Variants in PMS1 observed in about 807,000 individuals in gnomAD.
The protein encoded by PMS1 is PMS1 protein homolog 1.
PMS1 carries 79 observed loss-of-function variants against 93.1 expected under a neutral mutation model. The observed-to-expected ratio is 0.85, with a 90% CI of 0.71 to 1.02. PMS1 has a LOEUF of 1.02. PMS1 is among the 50% of genes least tolerant of loss of function. PMS1 has a pLI of 0.00. For synonymous variants in PMS1, 335 were observed against 363.4 expected, an observed-to-expected ratio of 0.92 and a Z score of 0.89; for missense variants, 1,064 against 1,085.3, an observed-to-expected ratio of 0.98 and a Z score of 0.28.
chr2:189,844,515 A>C (rs887435329), intron 6 of PMS1, among the ~76,000 whole-genome samples: 5 of 151,836 alleles, frequency 3.3e-5, no homozygotes, highest in African/African-American at 1.2e-4. Flanking sequence ...GTGGTGGCAC[A>C]TGCCTGTAAT....
chr2:189,797,436 C>T (rs2049460935), intron 3 of PMS1, among the ~76,000 whole-genome samples: 1 of 152,138 alleles, frequency 6.6e-6, no homozygotes, highest in Non-Finnish European at 1.5e-5. Context: ...CTCTTCATTT[C>T]TGTTATCTCA....
In PMS1 at chr2:189,813,681, C is replaced by G. The variant is rs190827487; in HGVS notation, c.419-4336C>G. Among the ~76,000 whole-genome samples, 27 of 152,112 alleles carry G rather than the reference C, an allele frequency of 1.8e-4. No homozygotes were observed. In the East Asian group the frequency reaches 5.2e-3, roughly 29 times the overall value. On this transcript the variant is annotated intron_variant, in intron 4 of 12. Transcript: ENST00000441310. The stretch of plus-strand genomic sequence containing the variant: ...AACTAAATGAAGCTGCATTAAGTGC[C>G]AAAGGATTGCTGTCATATGCAAAGC...
Position 189,864,136 on chromosome 2 carries a change from T to G in PMS1, c.2250T>G (p.Tyr750Ter). Reference sequence around the variant, plus strand: ...CAGAGGTAATGTTATTAAATCCATATAGAGTAGAAGAAGCCCTGCTATTTA... The same window carrying G: ...CAGAGGTAATGTTATTAAATCCATAGAGAGTAGAAGAAGCCCTGCTATTTA... ...SKTEVMLLNPYRVEEALLFKR... is the reference protein window; with the variant it reads ...SKTEVMLLNP The change falls in exon 10 of 13, where the codon TAT becomes TAG. Residue 750 changes from tyrosine to a stop codon, truncating the protein, a stop_gained. Coordinates refer to ENST00000441310, the MANE Select transcript of PMS1 (RefSeq NM_000534.5). LOFTEE classifies it high-confidence loss of function. 4 of 1,612,562 alleles carry G rather than the reference T, an allele frequency of 2.5e-6. No homozygotes were observed. The highest frequency in any genetic ancestry group is 3.4e-6 in the Non-Finnish European group (4 of 1,178,822).
intron 11 of PMS1, among the ~76,000 whole-genome samples, chr2:189,871,710 T>A (rs1228604522): frequency 6.6e-6 from 1 of 152,256 alleles, no homozygotes; most frequent in Admixed American, 6.5e-5. Context: ...TTCAGTTATC[T>A]TTATAGCAGT....
chr2:189,855,952 G>A, intron 9 of PMS1: 1 of 623,036 alleles, frequency 1.6e-6, no homozygotes, highest in Non-Finnish European at 2.1e-6. Flanking sequence ...CAAATGTGTG[G>A]AAAAAATTTT....
At chr2:189,820,875 T>C (rs1212816427) in intron 5 of PMS1, among the ~76,000 whole-genome samples, 1 of 152,184 alleles carries the variant, frequency 6.6e-6, no homozygotes, top group Non-Finnish European at 1.5e-5. Context: ...TCTTTGATCA[T>C]TTAAAATAAG....
intron 6 of PMS1, among the ~76,000 whole-genome samples, chr2:189,844,643 CAAA>C (rs752620656): frequency 3.2e-5 from 2 of 62,524 alleles, no homozygotes; most frequent in Admixed American, 1.7e-4. Context: ...GATTCCATCT[CAAA>C]AAAAAAAAAA....
chr2:189,866,985 A>G (rs879407226), intron 10 of PMS1, among the ~76,000 whole-genome samples: 6 of 152,202 alleles, frequency 3.9e-5, no homozygotes, highest in African/African-American at 7.2e-5. Flanking sequence ...TCTCTTCTCT[A>G]TAATATTAGC....
At chr2:189,805,281 C>T (rs1337259467) in intron 3 of PMS1, among the ~76,000 whole-genome samples, 4 of 152,020 alleles carry the variant, frequency 2.6e-5, no homozygotes, top group South Asian at 4.1e-4. Context: ...TATTCATTTA[C>T]CAACAAATTT....
At chr2:189,815,490 C>CCAA (rs2051215040) in intron 4 of PMS1, among the ~76,000 whole-genome samples, 1 of 152,158 alleles carries the variant, frequency 6.6e-6, no homozygotes, top group Admixed American at 6.5e-5. Context: ...CTCACGAGAT[C>CCAA]CAATGGTTTT....
chr2:189,854,794 G>C lies in PMS1; in HGVS notation c.1522G>C (p.Val508Leu). ...WSRGNILKNS[V>L]GENIEPVKIL... ...CAGGGGAAATATACTTAAAAATTCA[G>C]TGGGAGAGAATATTGAACCTGTGAA... Residue 508 changes from valine (V) to leucine (L), a missense_variant, in exon 9 of 13, where the codon GTG becomes CTG. By Grantham distance (32) the Val-to-Leu change is conservative. Coordinates refer to ENST00000441310, the MANE Select transcript of PMS1 (RefSeq NM_000534.5). The C allele has an allele frequency of 6.2e-7, 1 of 1,613,458 alleles. No homozygotes were observed.
intron 5 of PMS1, among the ~76,000 whole-genome samples, chr2:189,839,148 T>C (rs1007741059): frequency 2.6e-5 from 4 of 152,074 alleles, no homozygotes; most frequent in African/African-American, 9.7e-5. Context: ...CCCGCCACCA[T>C]GCCTGGATAA....
intron 6 of PMS1, 47 bp from the exon 7 acceptor site, chr2:189,852,608 C>T (rs751328374): frequency 4.5e-6 from 7 of 1,559,174 alleles, no homozygotes; most frequent in South Asian, 1.1e-5. Context: ...TAGCCAGACC[C>T]GTGGAACTAC....
intron 2 of PMS1, among the ~76,000 whole-genome samples, chr2:189,792,693 A>G (rs1311300634): frequency 3.0e-5 from 3 of 98,574 alleles, no homozygotes; most frequent in Non-Finnish European, 5.5e-5. Context: ...ACACAAATAT[A>G]TATATATATA....
chr2:189,844,121 A>G, intron 6 of PMS1, 41 bp downstream of exon 6: 2 of 1,610,654 alleles, frequency 1.2e-6, no homozygotes, highest in Non-Finnish European at 1.7e-6. Flanking sequence ...TGATTTACTC[A>G]TGAAGCTGTT....
In PMS1 at chr2:189,871,606, A is replaced by T. The variant is rs527725824; in HGVS notation, c.2474-1890A>T. ...ACAACCATTTAACCAGTTTCTAAGA[A>T]GTTCTAAACTTTCCCTCATCTTCCT... On this transcript the variant is annotated intron_variant, in intron 11 of 12. Coordinates refer to ENST00000441310, the MANE Select transcript of PMS1 (RefSeq NM_000534.5). Among the ~76,000 whole-genome samples the T allele has an allele frequency of 1.4e-4, 22 of 152,298 alleles. No homozygotes were observed. In the South Asian group the frequency reaches 1.4e-3, roughly 10 times the overall value.
intron 1 of PMS1, among the ~76,000 whole-genome samples, chr2:189,791,473 A>G (rs1384267341): frequency 6.6e-6 from 1 of 152,118 alleles, no homozygotes; most frequent in Admixed American, 6.5e-5. Flanking sequence ...TGTAAAAATT[A>G]GCCAGGTGTC....
Position 189,863,913 on chromosome 2 carries a change from C to T in PMS1, c.2027C>T (p.Pro676Leu). 1.9e-6 allele frequency: 3 copies of T among 1,613,252 alleles called. No individual in the cohort carries two copies. Among genetic ancestry groups the T allele is most frequent in the Non-Finnish European group, 2.5e-6 (3 of 1,179,442 alleles). ...HKLKTSLSNQ[P>L]KLDELLQSQI... Reference sequence around the variant, plus strand: ...TTAAAAACCTCATTATCTAATCAACCAAAACTTGATGAACTCCTTCAGTCC... The same window carrying T: ...TTAAAAACCTCATTATCTAATCAACTAAAACTTGATGAACTCCTTCAGTCC... Residue 676 changes from proline (P) to leucine (L), a missense_variant, in exon 10 of 13, where the codon CCA becomes CTA. Coordinates refer to ENST00000441310, the MANE Select transcript of PMS1 (RefSeq NM_000534.5).
chr2:189,800,577 T>C (rs1314551624), intron 3 of PMS1, among the ~76,000 whole-genome samples: 1 of 152,190 alleles, frequency 6.6e-6, no homozygotes, highest in Non-Finnish European at 1.5e-5. Context: ...TCAGAAAGAA[T>C]TGAGGTTTCA....
Sources: allele counts gnomAD v4.1 joint callset (sites outside exome capture counted in the v4.1 genomes callset), GRCh38; gene constraint gnomAD v4.1.1; transcripts MANE v1.5; gene names NCBI Gene and HGNC (gene_info 2026-07-23, HGNC 2026-07-21).